The following CFAP20DC variants were observed in gnomAD, a reference collection of about 807,000 sequenced individuals.
The protein encoded by CFAP20DC is protein CFAP20DC.
Under a neutral mutation model 101.7 loss-of-function variants are expected in CFAP20DC, and 84 were observed. The observed-to-expected ratio is 0.83, with a 90% CI of 0.69 to 0.99. The LOEUF (loss-of-function observed/expected upper bound fraction) is 0.99. Among genes scored for constraint, CFAP20DC ranks in the 50% least tolerant of loss-of-function variants. The probability of loss-of-function intolerance (pLI) is 0.00; values close to 1 mark genes in which losing one functional copy is unlikely to be tolerated. For missense variants in CFAP20DC, 1,007 were observed against 970.3 expected, an observed-to-expected ratio of 1.04 and a Z score of -0.50; for synonymous variants, 359 against 351.2, an observed-to-expected ratio of 1.02 and a Z score of -0.25.
intron 4 of CFAP20DC, among the ~76,000 whole-genome samples, chr3:59,037,194 G>A (rs541746117): frequency 7.2e-5 from 11 of 152,044 alleles, no homozygotes; most frequent in Admixed American, 1.3e-4. Context: ...GAAAACCTAG[G>A]CAATACCATT....
chr3:58,759,503 A>C (rs531581537), intron 15 of CFAP20DC, among the ~76,000 whole-genome samples: 7 of 151,998 alleles, frequency 4.6e-5, no homozygotes, highest in Admixed American at 1.3e-4. Flanking sequence ...ACTCTGATGG[A>C]AGTTTCTTTT....
At position 58,807,177 on chromosome 3, in the gene CFAP20DC, G is replaced by A. The variant is rs375090426; in HGVS notation, c.2176-721C>T. 7.7e-4 allele frequency among the ~76,000 whole-genome samples: 117 copies of A among 152,288 alleles called. 2 individuals are homozygous for A. The highest frequency in any genetic ancestry group is 1.9e-3 in the South Asian group (9 of 4,820). The stretch of plus-strand genomic sequence containing the variant: ...AAAGACAGCAGTAACCTCTGCAGAC[G>A]TAAGTGTCCCTGTCTGACAGCTTTG... On this transcript the variant is annotated intron_variant, in intron 14 of 16. Coordinates refer to ENST00000482387, the MANE Select transcript of CFAP20DC (RefSeq NM_001394063.1).
chr3:58,940,306 T>C (rs1334096668), intron 4 of CFAP20DC, among the ~76,000 whole-genome samples: 1 of 152,226 alleles, frequency 6.6e-6, no homozygotes, highest in Non-Finnish European at 1.5e-5. Context: ...TTTCATGAAA[T>C]ATAGTTTACC....
intron 12 of CFAP20DC, chr3:58,862,593 A>G (rs1358467490): frequency 2.0e-6 from 2 of 985,290 alleles, no homozygotes; most frequent in Non-Finnish European, 2.4e-6. Flanking sequence ...CAATCCCACT[A>G]TATTCTCAAC....
chr3:58,809,730 CA>C (rs1229606526), intron 14 of CFAP20DC, among the ~76,000 whole-genome samples: 1 of 151,884 alleles, frequency 6.6e-6, no homozygotes, highest in Non-Finnish European at 1.5e-5. Context: ...AATAGAAACA[CA>C]AAAAACGCTT....
In CFAP20DC at chr3:58,913,674, G is replaced by GA; in HGVS notation, c.550+33dup. ...TGGCTAATTTTAAAAATACATCAGAGAATTAAAAAATCTTGATAGCAACCT... is the reference window on the plus strand; with the variant it reads ...TGGCTAATTTTAAAAATACATCAGAGAAATTAAAAAATCTTGATAGCAACCT... On this transcript the variant is annotated intron_variant, in intron 6 of 16. Coordinates refer to ENST00000482387, the MANE Select transcript of CFAP20DC (RefSeq NM_001394063.1). This position sits in a 1 kb window ranked among gnomAD's most constrained non-coding sequence, Gnocchi z 4.4. The GA allele has an allele frequency of 6.2e-7, 1 of 1,606,466 alleles. No individual in the cohort carries two copies. Among genetic ancestry groups the GA allele is most frequent in the Non-Finnish European group, 8.5e-7 (1 of 1,173,580 alleles).
chr3:58,992,496 A>G (rs1198192708), intron 4 of CFAP20DC: 1 of 896,654 alleles, frequency 1.1e-6, no homozygotes, highest in African/African-American at 1.8e-5. Context: ...AAATGAAAGA[A>G]AAAAACCTCA....
chr3:58,933,867 A>G (rs973613354), intron 5 of CFAP20DC, among the ~76,000 whole-genome samples: 24 of 151,720 alleles, frequency 1.6e-4, no homozygotes, highest in Non-Finnish European at 2.9e-4. Flanking sequence ...AACAACTAGA[A>G]AAGCAAGAGC....
Position 58,859,583 on chromosome 3 carries a change from A to C in CFAP20DC, c.1593+3975T>G, listed in dbSNP as rs2079083938. Among the ~76,000 whole-genome samples the C allele has an allele frequency of 6.6e-6, 1 of 152,218 alleles. No individual in the cohort carries two copies. Among genetic ancestry groups the C allele is most frequent in the Admixed American group, 6.5e-5 (1 of 15,292 alleles). On this transcript the variant is annotated intron_variant, in intron 12 of 16. Coordinates refer to ENST00000482387, the MANE Select transcript of CFAP20DC (RefSeq NM_001394063.1). The surrounding 1 kb of genome is among the most constrained non-coding windows in gnomAD (Gnocchi z 4.1). ...GGACCAAGAGACCTGTGACTTTTTC[A>C]GAGAAGAGCTTCAATAGATAATAAT...
intron 4 of CFAP20DC, among the ~76,000 whole-genome samples, chr3:58,941,794 G>T: frequency 6.6e-6 from 1 of 152,048 alleles, no homozygotes; most frequent in Middle Eastern, 3.2e-3. Context: ...CTGACCTCGT[G>T]ATCCGCCCGC....
chr3:58,745,301 A>G (rs1225947093), intron 16 of CFAP20DC, among the ~76,000 whole-genome samples: 1 of 152,216 alleles, frequency 6.6e-6, no homozygotes, highest in Non-Finnish European at 1.5e-5. Context: ...AAGTTAGTTT[A>G]TCAATTAGTA....
chr3:58,941,659 C>T (rs2088608758), intron 4 of CFAP20DC, among the ~76,000 whole-genome samples: 1 of 151,978 alleles, frequency 6.6e-6, no homozygotes, highest in African/African-American at 2.4e-5. Flanking sequence ...AGCTCCGCCT[C>T]CTGGGTTCAC....
intron 16 of CFAP20DC, among the ~76,000 whole-genome samples, chr3:58,749,523 A>ATTTTATAT (rs1224759700): frequency 6.6e-6 from 1 of 152,212 alleles, no homozygotes; most frequent in Non-Finnish European, 1.5e-5. Flanking sequence ...AGCATCTGCT[A>ATTTTATAT]CCCATTTATA....
In CFAP20DC at chr3:58,899,360, C is replaced by T. The variant is rs1287767849; in HGVS notation, c.550+14348G>A. Among the ~76,000 whole-genome samples the T allele has an allele frequency of 6.6e-6, 1 of 152,206 alleles. No individual in the cohort carries two copies. The highest frequency in any genetic ancestry group is 2.4e-5 in the African/African-American group (1 of 41,440). On this transcript the variant is annotated intron_variant, in intron 6 of 16. Transcript: ENST00000482387. The surrounding 1 kb of genome is among the most constrained non-coding windows in gnomAD (Gnocchi z 5.0). ...GGGGACTCGGTCCTTCTCAGGCAGACTCAAGCCTGCTGCTGCTGACTGGCT... is the reference window on the plus strand; with the variant it reads ...GGGGACTCGGTCCTTCTCAGGCAGATTCAAGCCTGCTGCTGCTGACTGGCT...
chr3:58,851,488 A>AT (rs2108328734), intron 12 of CFAP20DC, among the ~76,000 whole-genome samples: 1 of 152,214 alleles, frequency 6.6e-6, no homozygotes, highest in Admixed American at 6.5e-5. Context: ...CCCTGTTATA[A>AT]TTTTTTCTTT....
chr3:58,857,418 T>A (rs942259767), intron 12 of CFAP20DC, among the ~76,000 whole-genome samples: 1 of 152,300 alleles, frequency 6.6e-6, no homozygotes, highest in African/African-American at 2.4e-5. Context: ...GACATATTCA[T>A]GAGTATGTAC....
At chr3:58,774,343 T>G (rs750068541) in intron 15 of CFAP20DC, among the ~76,000 whole-genome samples, 1 of 152,212 alleles carries the variant, frequency 6.6e-6, no homozygotes, top group African/African-American at 2.4e-5. Context: ...TCCCTAAATA[T>G]TCAAAGTCAG....
chr3:58,918,842 A>G (rs1479820909), intron 5 of CFAP20DC, among the ~76,000 whole-genome samples: 4 of 152,198 alleles, frequency 2.6e-5, no homozygotes, highest in Non-Finnish European at 4.4e-5. Context: ...AAATGGTGAT[A>G]ATAATGTACA....
chr3:58,982,639 T>C (rs988945763), intron 4 of CFAP20DC, among the ~76,000 whole-genome samples: 3 of 138,864 alleles, frequency 2.2e-5, no homozygotes, highest in Non-Finnish European at 3.0e-5. Flanking sequence ...TTCTCACTCA[T>C]AGGCGGGAAT....
Sources: allele counts gnomAD v4.1 joint callset (sites outside exome capture counted in the v4.1 genomes callset), GRCh38; gene constraint gnomAD v4.1.1; non-coding constraint Gnocchi (gnomAD v3.1); transcripts MANE v1.5; gene names NCBI Gene and HGNC (gene_info 2026-07-23, HGNC 2026-07-21).